The following POU3F3 variants were observed in gnomAD, a reference collection of about 807,000 sequenced individuals.
POU3F3 encodes POU domain, class 3, transcription factor 3.
In POU3F3, 1 loss-of-function variant was observed where a neutral mutation model predicts 8.6. That is an observed-to-expected ratio of 0.12 (90% CI 0.04 to 0.55). The LOEUF is 0.55. POU3F3 is among the 20% of genes least tolerant of loss of function. POU3F3 has a pLI of 0.91. For missense variants in POU3F3, 577 were observed against 690.7 expected, an observed-to-expected ratio of 0.84 and a Z score of 1.84; for synonymous variants, 418 against 327.4, an observed-to-expected ratio of 1.28 and a Z score of -2.99.
the POU3F3 span, among the ~76,000 whole-genome samples, chr2:104,873,673 A>C: frequency 6.6e-5 from 10 of 152,238 alleles, no homozygotes; most frequent in Non-Finnish European, 1.3e-4. Context: ...TAGGCCCGAC[A>C]GGAGCCCAGG....
chr2:104,877,959 G>C, the POU3F3 span, among the ~76,000 whole-genome samples: 7 of 152,144 alleles, frequency 4.6e-5, no homozygotes, highest in Non-Finnish European at 8.8e-5. Flanking sequence ...CCCAGCCACT[G>C]ATTCTTTTCT....
At chr2:104,925,476 C>G in the POU3F3 span, among the ~76,000 whole-genome samples, 1 of 152,088 alleles carries the variant, frequency 6.6e-6, no homozygotes, top group Non-Finnish European at 1.5e-5. Context: ...TAAGTTAAAC[C>G]TCAGATAGAA....
chr2:104,926,227 G>C, the POU3F3 span, among the ~76,000 whole-genome samples: 2 of 152,080 alleles, frequency 1.3e-5, no homozygotes, highest in African/African-American at 4.8e-5. Context: ...CTAATATCCA[G>C]AATCTACAAA....
chr2:104,870,213 C>T, the POU3F3 span, among the ~76,000 whole-genome samples: 3 of 152,186 alleles, frequency 2.0e-5, no homozygotes, highest in Admixed American at 6.5e-5. Context: ...CATCCTGTTA[C>T]ATGTGCAGGA....
At chr2:104,905,858 A>C in the POU3F3 span, among the ~76,000 whole-genome samples, 1 of 152,196 alleles carries the variant, frequency 6.6e-6, no homozygotes, top group Non-Finnish European at 1.5e-5. Flanking sequence ...GCATCTGCAA[A>C]CATCCTGTTT....
the POU3F3 span, among the ~76,000 whole-genome samples, chr2:104,906,886 T>A: frequency 6.6e-6 from 1 of 152,310 alleles, no homozygotes; most frequent in African/African-American, 2.4e-5. Context: ...TATGCATGTT[T>A]CCCTGTTGCC....
the POU3F3 span, chr2:104,869,817 C>A: frequency 6.6e-6 from 1 of 152,220 alleles, no homozygotes; most frequent in African/African-American, 2.4e-5. Context: ...TGCTGGGAGT[C>A]CTTGCTGGGA....
chr2:104,869,756 C>T, the POU3F3 span: 995 of 152,418 alleles, frequency 6.5e-3, 9 homozygotes, highest in South Asian at 0.034. Context: ...CTCGCTCCCC[C>T]CCACCTCCCA....
the POU3F3 span, among the ~76,000 whole-genome samples, chr2:104,889,110 C>G: frequency 4.6e-5 from 7 of 152,350 alleles, no homozygotes; most frequent in South Asian, 1.2e-3. Flanking sequence ...GAGCCAGAGG[C>G]TGTGCTACTG....
chr2:104,865,693 G>T, the POU3F3 span: 1 of 152,158 alleles, frequency 6.6e-6, no homozygotes, highest in African/African-American at 2.4e-5. Context: ...AACCCACCAC[G>T]CTCATTGTAC....
chr2:104,858,957 C>A (rs935166252), downstream of POU3F3, among the ~76,000 whole-genome samples: 1 of 151,986 alleles, frequency 6.6e-6, no homozygotes, highest in Non-Finnish European at 1.5e-5. Flanking sequence ...GCCCCTCCCC[C>A]CAAGTTCAGC....
At chr2:104,860,545 C>G (rs879473566), downstream of POU3F3, among the ~76,000 whole-genome samples, 1 of 152,058 alleles carries the variant, frequency 6.6e-6, no homozygotes, top group African/African-American at 2.4e-5. Flanking sequence ...CCCCCCCTCC[C>G]CTTCCAACCC....
the POU3F3 span, among the ~76,000 whole-genome samples, chr2:104,896,327 C>T: frequency 1.3e-5 from 2 of 152,164 alleles, no homozygotes; most frequent in African/African-American, 4.8e-5. Flanking sequence ...CACCCCCAGG[C>T]CACGTGGTGC....
the POU3F3 span, among the ~76,000 whole-genome samples, chr2:104,900,378 A>C: frequency 6.6e-6 from 1 of 152,210 alleles, no homozygotes; most frequent in East Asian, 1.9e-4. Context: ...TGAGCAGGAG[A>C]ACCATTCCAT....
the POU3F3 span, among the ~76,000 whole-genome samples, chr2:104,917,746 G>C: frequency 6.6e-6 from 1 of 152,102 alleles, no homozygotes; most frequent in African/African-American, 2.4e-5. Context: ...CCAGTACTAG[G>C]GTGGTGATTC....
Position 104,855,435 on chromosome 2 carries a change from GGCGGCGGCGGCCGCGGCT to G in POU3F3, c.-73_-56del, listed in dbSNP as rs1676533502. On this transcript the variant is annotated 5_prime_UTR_variant, in exon 1 of 1. Transcript: ENST00000361360. ...AGGCGGGGGGCGCGGCGGCGGCGGCGGCGGCGGCGGCCGCGGCTGCTGCTGCGGCGGCGGCGGCGGTGG... is the reference window on the plus strand; with the variant it reads ...AGGCGGGGGGCGCGGCGGCGGCGGCGGCTGCTGCGGCGGCGGCGGCGGTGG... 2 of 764,322 alleles carry G rather than the reference GGCGGCGGCGGCCGCGGCT, an allele frequency of 2.6e-6. No individual in the cohort carries two copies. The highest frequency in any genetic ancestry group is 3.2e-6 in the Non-Finnish European group (2 of 634,254). 47.3% of individuals were successfully genotyped at this position (764,322 alleles called of 1,614,324 possible).
the POU3F3 span, among the ~76,000 whole-genome samples, chr2:104,878,383 A>G: frequency 6.6e-6 from 1 of 152,222 alleles, no homozygotes; most frequent in African/African-American, 2.4e-5. Flanking sequence ...AAAGCCTAAG[A>G]TATATCATTG....
the POU3F3 span, among the ~76,000 whole-genome samples, chr2:104,913,521 C>G: frequency 6.6e-6 from 1 of 152,142 alleles, no homozygotes; most frequent in African/African-American, 2.4e-5. Context: ...AATGCAGGTA[C>G]TATCAGAAGA....
chr2:104,913,405 G>A, the POU3F3 span, among the ~76,000 whole-genome samples: 1 of 152,242 alleles, frequency 6.6e-6, no homozygotes, highest in African/African-American at 2.4e-5. Flanking sequence ...CAGGCAGTTT[G>A]GAAATTCTTT....
Sources: allele counts gnomAD v4.1 joint callset (sites outside exome capture counted in the v4.1 genomes callset), GRCh38; gene constraint gnomAD v4.1.1; transcripts MANE v1.5; gene names NCBI Gene and HGNC (gene_info 2026-07-23, HGNC 2026-07-21).